Variants in LRRC4C observed in about 807,000 individuals in gnomAD.
LRRC4C encodes the protein leucine rich repeat containing 4C, also known as leucine-rich repeat-containing protein 4C.
In LRRC4C, 5 loss-of-function variants were observed where a neutral mutation model predicts 33.6. The ratio of observed to expected loss-of-function variants is 0.15; its 90% CI spans 0.08 to 0.31. The LOEUF (loss-of-function observed/expected upper bound fraction) is 0.31, where lower values mean the gene tolerates loss of function less well. Among genes scored for constraint, LRRC4C ranks in the 10% least tolerant of loss-of-function variants. The pLI is 1.00. For missense variants in LRRC4C, 560 were observed against 796.7 expected, an observed-to-expected ratio of 0.70 and a Z score of 3.58; for synonymous variants, 329 against 302.0, an observed-to-expected ratio of 1.09 and a Z score of -0.93.
intron 3 of LRRC4C, among the ~76,000 whole-genome samples, chr11:40,508,955 T>C (rs997616101): frequency 6.6e-6 from 1 of 152,070 alleles, no homozygotes; most frequent in African/African-American, 2.4e-5. Context: ...AAAAAGAAAC[T>C]TGAGAAATGA....
At chr11:40,943,410 C>A (rs980408071) in intron 1 of LRRC4C, among the ~76,000 whole-genome samples, 2 of 152,142 alleles carry the variant, frequency 1.3e-5, no homozygotes, top group Non-Finnish European at 2.9e-5. Context: ...CCATTACCTT[C>A]GATTCCAGCA....
In LRRC4C at chr11:40,766,241, C is replaced by T. The variant is rs1388973398; in HGVS notation, c.-406-117963G>A. Among the ~76,000 whole-genome samples, 6 of 146,700 alleles carry T rather than the reference C, an allele frequency of 4.1e-5. No homozygotes were observed. The Admixed American group carries it at 4.2e-4, about 10-fold the overall frequency. On this transcript the variant is annotated intron_variant, in intron 2 of 6. Coordinates refer to ENST00000528697, the MANE Select transcript of LRRC4C (RefSeq NM_001258419.2). ...AGAATAGTATATCCAGCAAAAATAACTTTCAAACATGAGAGGGAAATGAAG... is the reference window on the plus strand; with the variant it reads ...AGAATAGTATATCCAGCAAAAATAATTTTCAAACATGAGAGGGAAATGAAG...
chr11:41,322,741 G>GTA (rs981315045), intron 1 of LRRC4C, among the ~76,000 whole-genome samples: 5 of 152,148 alleles, frequency 3.3e-5, no homozygotes, highest in African/African-American at 1.2e-4. Context: ...CCTATTCAGC[G>GTA]TAAGTGGGAA....
chr11:40,857,279 G>T (rs930944925), intron 2 of LRRC4C, among the ~76,000 whole-genome samples: 34 of 152,274 alleles, frequency 2.2e-4, no homozygotes, highest in African/African-American at 7.9e-4. Context: ...ATGGTGGTTT[G>T]CTGTACTCAT....
chr11:40,674,360 T>C (rs1426824658), intron 2 of LRRC4C, among the ~76,000 whole-genome samples: 1 of 152,214 alleles, frequency 6.6e-6, no homozygotes, highest in Non-Finnish European at 1.5e-5. Flanking sequence ...TCCTCACTTT[T>C]AGCCTTTCCT....
intron 3 of LRRC4C, among the ~76,000 whole-genome samples, chr11:40,622,966 A>C (rs2135962470): frequency 6.6e-6 from 1 of 151,998 alleles, no homozygotes; most frequent in African/African-American, 2.4e-5. Flanking sequence ...TCCATGATTT[A>C]TTATTATTTT....
intron 3 of LRRC4C, among the ~76,000 whole-genome samples, chr11:40,363,707 A>T (rs1948073625): frequency 6.6e-6 from 1 of 152,144 alleles, no homozygotes; most frequent in African/African-American, 2.4e-5. Flanking sequence ...TAGACACTCT[A>T]AGGACCATAG....
At chr11:40,673,735 C>T (rs1182817420) in intron 2 of LRRC4C, among the ~76,000 whole-genome samples, 1 of 152,152 alleles carries the variant, frequency 6.6e-6, no homozygotes, top group Non-Finnish European at 1.5e-5. Flanking sequence ...CCAGACACTG[C>T]CTGTTACTTC....
intron 3 of LRRC4C, among the ~76,000 whole-genome samples, chr11:40,499,638 G>A (rs766786875): frequency 1.3e-5 from 2 of 152,202 alleles, no homozygotes; most frequent in African/African-American, 2.4e-5. Flanking sequence ...TGATACTGAT[G>A]TTGATGATGG....
intron 2 of LRRC4C, among the ~76,000 whole-genome samples, chr11:40,795,461 C>T (rs1317046533): frequency 6.6e-6 from 1 of 151,958 alleles, no homozygotes. Context: ...ACCCAGGAGG[C>T]GGAGCTTGCA....
intron 6 of LRRC4C, among the ~76,000 whole-genome samples, chr11:40,122,967 A>ACG (rs1855941070): frequency 7.2e-6 from 1 of 139,078 alleles, no homozygotes; most frequent in Non-Finnish European, 1.5e-5. Context: ...ACACACACAC[A>ACG]CACACACACA....
chr11:40,364,721 G>C (rs532208011), intron 3 of LRRC4C, among the ~76,000 whole-genome samples: 1 of 151,990 alleles, frequency 6.6e-6, no homozygotes, highest in South Asian at 2.1e-4. Flanking sequence ...AATAAACCCA[G>C]AGAAATATGA....
At chr11:40,909,793 T>C (rs1381657021) in intron 2 of LRRC4C, among the ~76,000 whole-genome samples, 1 of 152,192 alleles carries the variant, frequency 6.6e-6, no homozygotes, top group East Asian at 1.9e-4. Context: ...ACATATACAA[T>C]TATTATACTA....
intron 1 of LRRC4C, among the ~76,000 whole-genome samples, chr11:41,144,983 T>C (rs1407776188): frequency 6.6e-6 from 1 of 152,178 alleles, no homozygotes; most frequent in Non-Finnish European, 1.5e-5. Flanking sequence ...GAGCAAGTTA[T>C]TTAGCAAGCT....
At chr11:41,395,471 A>G (rs1384156269) in intron 1 of LRRC4C, among the ~76,000 whole-genome samples, 1 of 152,030 alleles carries the variant, frequency 6.6e-6, no homozygotes, top group Non-Finnish European at 1.5e-5. Context: ...CCATCACTAT[A>G]ATTTAGTCTC....
At chr11:41,381,049 G>A (rs1436883142) in intron 1 of LRRC4C, among the ~76,000 whole-genome samples, 1 of 152,146 alleles carries the variant, frequency 6.6e-6, no homozygotes, top group Admixed American at 6.6e-5. Flanking sequence ...CTGAAAATCT[G>A]AAGCCACACT....
chr11:40,763,725 G>A (rs1949330171), intron 2 of LRRC4C, among the ~76,000 whole-genome samples: 1 of 152,094 alleles, frequency 6.6e-6, no homozygotes, highest in Admixed American at 6.5e-5. Flanking sequence ...AAGCAAAATA[G>A]GATAGAATTG....
At chr11:40,377,962 C>T (rs575997055) in intron 3 of LRRC4C, among the ~76,000 whole-genome samples, 2 of 151,996 alleles carry the variant, frequency 1.3e-5, no homozygotes, top group South Asian at 2.1e-4. Flanking sequence ...AATGTCAATA[C>T]TACTGTGGTT....
chr11:41,189,038 C>T (rs1945829620), intron 1 of LRRC4C, among the ~76,000 whole-genome samples: 1 of 151,894 alleles, frequency 6.6e-6, no homozygotes, highest in South Asian at 2.1e-4. Flanking sequence ...ATTTCTTGTT[C>T]ACCTATGGTC....
Sources: allele counts gnomAD v4.1 joint callset (sites outside exome capture counted in the v4.1 genomes callset), GRCh38; gene constraint gnomAD v4.1.1; transcripts MANE v1.5; gene names NCBI Gene and HGNC (gene_info 2026-07-23, HGNC 2026-07-21).